SP100: variants seen among roughly 807,000 people sequenced by gnomAD.
SP100 encodes the protein SP100 nuclear body protein.
A neutral mutation model predicts 130.0 loss-of-function variants in SP100; 84 were observed. The ratio of observed to expected loss-of-function variants is 0.65; its 90% confidence interval spans 0.54 to 0.77. The LOEUF is 0.77. SP100 is among the 30% of genes least tolerant of loss of function. SP100 has a pLI of 0.00. For missense variants in SP100, 978 were observed against 1,052.2 expected (o/e 0.93, Z 0.97); for synonymous variants, 331 against 351.7 (o/e 0.94, Z 0.66).
At chr2:230,434,380 C>T (rs2063185153) in intron 2 of SP100, among the ~76,000 whole-genome samples, 1 of 152,030 alleles carries the variant, frequency 6.6e-6, no homozygotes, top group South Asian at 2.1e-4. Context: ...AACAATGCTT[C>T]AACAAAAATT....
chr2:230,466,444 T>A, intron 12 of SP100, 90 bp downstream of exon 12: 1 of 758,178 alleles, frequency 1.3e-6, no homozygotes, highest in Non-Finnish European at 2.3e-6. Context: ...AGAGTCAGTC[T>A]AATTCCTTGC....
At chr2:230,433,241 A>G (rs553166099) in intron 2 of SP100, among the ~76,000 whole-genome samples, 46 of 152,302 alleles carry the variant, frequency 3.0e-4, no homozygotes, top group African/African-American at 1.1e-3. Flanking sequence ...TACTAGTACT[A>G]TTTGTTGAAA....
At chr2:230,464,953 A>G (rs1009416365) in intron 11 of SP100, among the ~76,000 whole-genome samples, 2 of 152,074 alleles carry the variant, frequency 1.3e-5, no homozygotes, top group Non-Finnish European at 2.9e-5. Context: ...TTAGCCAGGC[A>G]TGGGCCGGGT....
intron 18 of SP100, among the ~76,000 whole-genome samples, chr2:230,496,908 A>G (rs1232365561): frequency 6.6e-6 from 1 of 152,162 alleles, no homozygotes; most frequent in East Asian, 1.9e-4. Flanking sequence ...TACCCTCTCA[A>G]CATTCTAGGA....
intron 15 of SP100, among the ~76,000 whole-genome samples, chr2:230,472,361 G>T (rs1378409373): frequency 2.0e-5 from 3 of 147,228 alleles, no homozygotes. Flanking sequence ...CTTGGAGGCA[G>T]GTCTTGCAGT....
At chr2:230,468,863 G>T in intron 13 of SP100, 180 bp from the exon 14 acceptor site, 1 of 406,318 alleles carries the variant, frequency 2.5e-6, no homozygotes, top group South Asian at 6.0e-5. Flanking sequence ...TGCAATTAGG[G>T]CTAAAGGATT....
chr2:230,530,470 A>C (rs1267722731), intron 24 of SP100, among the ~76,000 whole-genome samples: 1 of 152,252 alleles, frequency 6.6e-6, no homozygotes, highest in East Asian at 1.9e-4. Flanking sequence ...CTAAAACCAT[A>C]AAAACCCTAG....
At chr2:230,418,785 T>A (rs1036856580) in intron 2 of SP100, among the ~76,000 whole-genome samples, 6 of 152,106 alleles carry the variant, frequency 3.9e-5, no homozygotes, top group Non-Finnish European at 8.8e-5. Flanking sequence ...TGCTTCTGTG[T>A]TCTCTCTTCT....
At chr2:230,522,002 C>T (rs1235448239) in intron 24 of SP100, among the ~76,000 whole-genome samples, 1 of 152,186 alleles carries the variant, frequency 6.6e-6, no homozygotes, top group African/African-American at 2.4e-5. Context: ...GGGAAACACC[C>T]TGACTGTTTT....
chr2:230,481,199 C>T (rs2065819176), intron 17 of SP100, among the ~76,000 whole-genome samples: 1 of 152,100 alleles, frequency 6.6e-6, no homozygotes, highest in Non-Finnish European at 1.5e-5. Context: ...ATGTGAATGA[C>T]TACCAATTAT....
At chr2:230,504,573 T>A (rs962059072) in intron 21 of SP100, among the ~76,000 whole-genome samples, 1 of 152,190 alleles carries the variant, frequency 6.6e-6, no homozygotes, top group African/African-American at 2.4e-5. Context: ...CATGCAGGAC[T>A]CATTTAATTA....
At chr2:230,541,488 A>G in intron 27 of SP100, 116 bp downstream of exon 27, 1 of 823,898 alleles carries the variant, frequency 1.2e-6, no homozygotes, top group Non-Finnish European at 2.0e-6. Flanking sequence ...AGTTCAGGCT[A>G]CTATAGAAAT....
intron 24 of SP100, among the ~76,000 whole-genome samples, chr2:230,523,016 T>C (rs1453169696): frequency 6.6e-6 from 1 of 151,910 alleles, no homozygotes; most frequent in African/African-American, 2.4e-5. Context: ...GGTTTCATCA[T>C]GTTGCCCAGG....
intron 5 of SP100, among the ~76,000 whole-genome samples, chr2:230,447,264 G>C (rs1379376039): frequency 6.6e-6 from 1 of 152,208 alleles, no homozygotes; most frequent in African/African-American, 2.4e-5. Context: ...CCTGGGGAAA[G>C]AAAGGCTCCT....
chr2:230,530,960 C>T (rs1304855145), intron 24 of SP100, among the ~76,000 whole-genome samples: 6 of 152,190 alleles, frequency 3.9e-5, no homozygotes, highest in African/African-American at 1.4e-4. Context: ...AATGCTTTTA[C>T]ACTGTTGGCA....
Position 230,504,247 on chromosome 2 carries a change from T to G in SP100, c.1827T>G (p.Cys609Trp). Reference sequence around the variant, plus strand: ...AACAATCTGAACTTCCTGTGACCTGTGGTGAGGTGAAGGGCACTCTATATA... The same window carrying G: ...AACAATCTGAACTTCCTGTGACCTGGGGTGAGGTGAAGGGCACTCTATATA... ...NFKQSELPVT[C>W]GEVKGTLYKE... The change falls in exon 21 of 29, where the codon TGT becomes TGG. Residue 609 changes from cysteine to tryptophan, a missense_variant. Physicochemically the swap from Cys to Trp is radical, Grantham distance 215. Coordinates refer to ENST00000340126, the MANE Select transcript of SP100 (RefSeq NM_001080391.2). 2 of 1,612,738 alleles carry G rather than the reference T, an allele frequency of 1.2e-6. No homozygotes were observed. Among genetic ancestry groups the G allele is most frequent in the Non-Finnish European group, 1.7e-6 (2 of 1,178,970 alleles).
At chr2:230,515,397 T>C in intron 24 of SP100, 2 of 1,613,886 alleles carry the variant, frequency 1.2e-6, no homozygotes, top group Non-Finnish European at 1.7e-6. Context: ...TTGATGATGT[T>C]GTGAAGAAAC....
chr2:230,472,427 CAAAAAAAAAA>C (rs201703163), intron 15 of SP100, among the ~76,000 whole-genome samples: 19 of 61,308 alleles, frequency 3.1e-4, no homozygotes, highest in Middle Eastern at 0.022. Context: ...GACTCCGTCT[CAAAAAAAAAA>C]AAAAAAAAAA....
intron 20 of SP100, among the ~76,000 whole-genome samples, 187 bp downstream of exon 20, chr2:230,503,297 G>A (rs1289204635): frequency 6.6e-6 from 1 of 152,112 alleles, no homozygotes; most frequent in East Asian, 1.9e-4. Context: ...CAGTGTCCCA[G>A]TCAACCCCTC....
Sources: allele counts gnomAD v4.1 joint callset (sites outside exome capture counted in the v4.1 genomes callset), GRCh38; gene constraint gnomAD v4.1.1; transcripts MANE v1.5; gene names NCBI Gene and HGNC (gene_info 2026-07-23, HGNC 2026-07-21).